The following CSRNP2 variants were observed in gnomAD, a reference collection of about 807,000 sequenced individuals.
CSRNP2 encodes the protein cysteine/serine-rich nuclear protein 2.
CSRNP2 carries 11 observed loss-of-function variants against 36.6 expected under a neutral mutation model. The observed-to-expected ratio is 0.30, with a 90% CI of 0.19 to 0.50. The LOEUF (loss-of-function observed/expected upper bound fraction) is 0.50. CSRNP2 is among the 20% of genes least tolerant of loss of function. The pLI is 0.98. For synonymous variants in CSRNP2, 248 were observed against 275.3 expected (o/e 0.90, Z 0.98); for missense variants, 483 against 691.4 (o/e 0.70, Z 3.38).
intron 3 of CSRNP2, among the ~76,000 whole-genome samples, chr12:51,068,361 A>G (rs1938622252): frequency 6.6e-6 from 1 of 152,122 alleles, no homozygotes; most frequent in South Asian, 2.1e-4. Context: ...TGTGTTGGCC[A>G]GGCTAGTCTT....
chr12:51,076,906 A>G (rs1341898793), intron 1 of CSRNP2: 2 of 199,812 alleles, frequency 1.0e-5, no homozygotes, highest in East Asian at 1.1e-4. Flanking sequence ...TTTGCTTCCA[A>G]TCCAGCTGGG....
At position 51,063,798 on chromosome 12, in the gene CSRNP2, T is replaced by C; in HGVS notation, c.1580A>G (p.Asn527Ser). The C allele has an allele frequency of 6.2e-7, 1 of 1,600,700 alleles. No homozygotes were observed. Among genetic ancestry groups the C allele is most frequent in the Non-Finnish European group, 8.5e-7 (1 of 1,173,094 alleles). Reference protein sequence around the residue: ...GCGMVKTSQQNEDRPPEDSSL... With the variant: ...GCGMVKTSQQSEDRPPEDSSL... ...AGAATCTTCAGGGGGCCGATCCTCA[T>C]TCTGCTGGGAGGTCTTCACCATCCC... The change falls in exon 5 of 5, where the codon AAT becomes AGT. Residue 527 changes from asparagine to serine, a missense_variant. Coordinates refer to ENST00000228515, the MANE Select transcript of CSRNP2 (RefSeq NM_030809.3).
At chr12:51,078,971 C>G (rs930728373) in intron 1 of CSRNP2, among the ~76,000 whole-genome samples, 1 of 152,200 alleles carries the variant, frequency 6.6e-6, no homozygotes, top group African/African-American at 2.4e-5. Flanking sequence ...TTGGAACCAA[C>G]CCAAATGTCC....
chr12:51,076,684 CCAGA>C (rs1259705982), intron 1 of CSRNP2, 37 bp from the exon 2 acceptor site: 36 of 1,046,252 alleles, frequency 3.4e-5, no homozygotes, highest in African/African-American at 3.0e-4. Context: ...ATTCCTGTCC[CCAGA>C]CAGACTCCTC....
At chr12:51,069,701 CTTTTTTTTT>C (rs1204655231) in intron 3 of CSRNP2, among the ~76,000 whole-genome samples, 4 of 133,662 alleles carry the variant, frequency 3.0e-5, no homozygotes, top group South Asian at 2.4e-4. Flanking sequence ...TCTTTTTTTT[CTTTTTTTTT>C]GAGACTGAGT....
In CSRNP2 at chr12:51,063,705, A is replaced by C; in HGVS notation, c.*41T>G. 7.0e-7 allele frequency: 1 copy of C among 1,426,916 alleles called. No homozygotes were observed. The highest frequency in any genetic ancestry group is 1.8e-4 in the Middle Eastern group (1 of 5,444). The allele number at this position is 1,426,916 out of a possible 1,614,324, so 88.4% of individuals were successfully genotyped here. A position where few individuals can be genotyped will look rare whatever the true frequency, so the allele number is the denominator to read the frequency against. Reference sequence around the variant, plus strand: ...AAATGGTGTTAGATAAAATAAGGGAATAAATAGAGAATGGGTAAGAGGCAG... The same window carrying C: ...AAATGGTGTTAGATAAAATAAGGGACTAAATAGAGAATGGGTAAGAGGCAG... On this transcript the variant is annotated 3_prime_UTR_variant, in exon 5 of 5. Coordinates refer to ENST00000228515, the MANE Select transcript of CSRNP2 (RefSeq NM_030809.3).
At position 51,064,049 on chromosome 12, in the gene CSRNP2, GAAA is replaced by G. The variant is rs1428656670; in HGVS notation, c.1326_1328del (p.Phe443del). 3.7e-6 allele frequency: 6 copies of G among 1,614,232 alleles called. No homozygotes were observed. In the East Asian group the frequency reaches 1.3e-4, roughly 36 times the overall value. ...AGACATTCAGATCCTTCTCCTTTGG[GAAA>G]GAGGCTGAGCCTTCTTCCGTACCAG... On this transcript the variant is annotated inframe_deletion, in exon 5 of 5. Coordinates refer to ENST00000228515, the MANE Select transcript of CSRNP2 (RefSeq NM_030809.3).
At chr12:51,074,141 G>A in intron 2 of CSRNP2, 59 bp from the exon 3 acceptor site, 1 of 1,531,468 alleles carries the variant, frequency 6.5e-7, no homozygotes, top group Non-Finnish European at 8.8e-7. Flanking sequence ...ATTTAGAGAT[G>A]GAGTCTCGCT....
intron 1 of CSRNP2, chr12:51,081,322 TA>T (rs1234678651): frequency 6.6e-6 from 1 of 151,892 alleles, no homozygotes; most frequent in Non-Finnish European, 1.5e-5. Context: ...ATAAATTTTT[TA>T]AAAAAATAAA....
At chr12:51,066,250 C>T (rs138050316) in intron 4 of CSRNP2, among the ~76,000 whole-genome samples, 2,041 of 151,890 alleles carry the variant, frequency 0.013, 51 homozygotes, top group African/African-American at 0.046. Context: ...GTCAAGAGAT[C>T]GAGACCATCC....
intron 4 of CSRNP2, among the ~76,000 whole-genome samples, chr12:51,066,620 G>A (rs1192282113): frequency 5.3e-5 from 7 of 131,238 alleles, no homozygotes; most frequent in Non-Finnish European, 8.1e-5. Context: ...CAGCCTGGGC[G>A]ACAGAACGAG....
In CSRNP2 at chr12:51,072,713, A is replaced by G. The variant is rs925346661; in HGVS notation, c.411+1110T>C. Among the ~76,000 whole-genome samples, 24 of 152,066 alleles carry G rather than the reference A, an allele frequency of 1.6e-4. 1 individual carries two copies. The highest frequency in any genetic ancestry group is 1.6e-3 in the Admixed American group (24 of 15,252). On this transcript the variant is annotated intron_variant, in intron 3 of 4. Transcript: ENST00000228515. ...TACAAATCTAAATAACTATTTGATAATGCTGTTTGTATCTACAAGATTATC... is the reference window on the plus strand; with the variant it reads ...TACAAATCTAAATAACTATTTGATAGTGCTGTTTGTATCTACAAGATTATC...
At chr12:51,065,544 G>A (rs1462411776) in intron 4 of CSRNP2, among the ~76,000 whole-genome samples, 1 of 151,990 alleles carries the variant, frequency 6.6e-6, no homozygotes, top group Non-Finnish European at 1.5e-5. Flanking sequence ...CGTCCAGGCT[G>A]GAGTGCAGTG....
At chr12:51,080,421 C>A (rs1176493054) in intron 1 of CSRNP2, among the ~76,000 whole-genome samples, 1 of 152,150 alleles carries the variant, frequency 6.6e-6, no homozygotes, top group Non-Finnish European at 1.5e-5. Context: ...AACTTGGATG[C>A]AGCAAGGATT....
chr12:51,064,381 G>C lies in CSRNP2; in HGVS notation c.997C>G (p.Leu333Val). 3 of 1,614,232 alleles carry C rather than the reference G, an allele frequency of 1.9e-6. No individual in the cohort carries two copies. Among genetic ancestry groups the C allele is most frequent in the East Asian group, 2.2e-5 (1 of 44,880 alleles). ...TCTTCTTCTGCCTTGAGCCGCTCCA[G>C]TTCCTCTGCACTCTGCAGGTGCATC... is the stretch of plus-strand genomic sequence containing the variant. ...AVMHLQSAEE[L>V]ERLKAEEDSS... The change falls in exon 5 of 5, where the codon CTG (leucine) becomes GTG (valine). Residue 333 changes from leucine (L) to valine (V), a missense_variant. Physicochemically the swap from Leu to Val is conservative, Grantham distance 32. Around this residue, in one of 2 missense-constraint regions of CSRNP2, gnomAD observed 277 missense variants for 323.6 expected, o/e 0.86. Transcript: ENST00000228515.
At chr12:51,079,445 C>T (rs1939527449) in intron 1 of CSRNP2, among the ~76,000 whole-genome samples, 2 of 151,370 alleles carry the variant, frequency 1.3e-5, no homozygotes, top group South Asian at 4.2e-4. Flanking sequence ...TGATTGAATG[C>T]TTATGTGGGT....
At chr12:51,070,952 A>G (rs899272771) in intron 3 of CSRNP2, among the ~76,000 whole-genome samples, 1 of 152,154 alleles carries the variant, frequency 6.6e-6, no homozygotes, top group Admixed American at 6.5e-5. Context: ...CTTGGGCAAC[A>G]GAACAAGACC....
chr12:51,069,125 G>A (rs964054837), intron 3 of CSRNP2, among the ~76,000 whole-genome samples: 4 of 151,928 alleles, frequency 2.6e-5, no homozygotes, highest in African/African-American at 9.7e-5. Context: ...ACAGGCACCT[G>A]CCACCACGCC....
In CSRNP2 at chr12:51,083,563, G is replaced by A. The variant is rs1012053559; in HGVS notation, c.-311C>T. 6.6e-6 allele frequency: 1 copy of A among 152,296 alleles called. No homozygotes were observed. Among genetic ancestry groups the A allele is most frequent in the Non-Finnish European group, 1.5e-5 (1 of 68,092 alleles). The allele number at this position is 152,296 out of a possible 1,614,324, so 9.4% of individuals were successfully genotyped here. A position where few individuals can be genotyped will look rare whatever the true frequency, so the allele number is the denominator to read the frequency against. On this transcript the variant is annotated 5_prime_UTR_variant, in exon 1 of 5. Transcript: ENST00000228515. ...GGCAACTCGGGCGCCCCCGGCAGCA[G>A]ACGCCCAGAACCGCCCCGGCTCCGG...
Sources: gnomAD v4.1 joint callset for allele counts (sites outside exome capture counted in the v4.1 genomes callset) on GRCh38, gnomAD v4.1.1 for gene constraint, gnomAD v4.1.1 regional missense constraint, MANE v1.5 for transcripts, NCBI Gene and HGNC (gene_info 2026-07-23, HGNC 2026-07-21) for gene names.